Variants in VWA5B1 observed in about 807,000 individuals in gnomAD.
VWA5B1 encodes von Willebrand factor A domain containing 5B1, also known as von Willebrand factor A domain-containing protein 5B1.
In VWA5B1, 115 loss-of-function variants were observed where a neutral mutation model predicts 118.2. The observed-to-expected ratio is 0.97, with a 90% CI of 0.84 to 1.14. VWA5B1 has a LOEUF of 1.14. VWA5B1 is among the 50% of genes most tolerant of loss of function. The pLI, the probability that VWA5B1 is intolerant of heterozygous loss-of-function variation, is 0.00. For missense variants in VWA5B1, 1,596 were observed against 1,603.8 expected, an observed-to-expected ratio of 1.00 and a Z score of 0.08; for synonymous variants, 682 against 658.4, an observed-to-expected ratio of 1.04 and a Z score of -0.55.
intron 1 of VWA5B1, among the ~76,000 whole-genome samples, chr1:20,297,765 G>A (rs1274752862): frequency 1.3e-5 from 2 of 152,206 alleles, no homozygotes; most frequent in Admixed American, 6.5e-5. Context: ...CAGCAAAGCA[G>A]CAGGTCCCCT....
intron 15 of VWA5B1, among the ~76,000 whole-genome samples, 193 bp downstream of exon 15, chr1:20,342,802 G>C (rs1439523447): frequency 2.6e-5 from 4 of 152,200 alleles, no homozygotes; most frequent in Non-Finnish European, 5.9e-5. Flanking sequence ...TGGCCTCTGA[G>C]GCTGCAGCTC....
intron 14 of VWA5B1, among the ~76,000 whole-genome samples, chr1:20,340,978 C>T (rs1355328676): frequency 6.6e-6 from 1 of 152,090 alleles, no homozygotes; most frequent in Non-Finnish European, 1.5e-5. Flanking sequence ...AGTGAATTTA[C>T]CCTTTTTGGT....
At chr1:20,337,152 G>C (rs906041617) in intron 13 of VWA5B1, among the ~76,000 whole-genome samples, 7 of 151,998 alleles carry the variant, frequency 4.6e-5, no homozygotes, top group Non-Finnish European at 8.8e-5. Context: ...TTTTGAGGCA[G>C]AGTCTCACTC....
Position 20,354,521 on chromosome 1 carries a change from G to A in VWA5B1, c.*258G>A. On this transcript the variant is annotated 3_prime_UTR_variant, in exon 22 of 22. Transcript: ENST00000289815. Reference sequence around the variant, plus strand: ...AAAATAAGAGGGCGAGATGAAGGAGGTGGAGTGGATCTCAAATGGTTCAGT... The same window carrying A: ...AAAATAAGAGGGCGAGATGAAGGAGATGGAGTGGATCTCAAATGGTTCAGT... The A allele has an allele frequency of 1.9e-6, 1 of 514,130 alleles. No homozygotes were observed. The highest frequency in any genetic ancestry group is 3.5e-6 in the Non-Finnish European group (1 of 288,572). The allele number at this position is 514,130 out of a possible 1,614,324, so 31.8% of individuals were successfully genotyped here.
At chr1:20,323,875 G>A (rs143811363) in intron 8 of VWA5B1, among the ~76,000 whole-genome samples, 42 of 152,306 alleles carry the variant, frequency 2.8e-4, no homozygotes, top group African/African-American at 8.7e-4. Flanking sequence ...TGTTGGATAC[G>A]GTGCTAGCCA....
intron 2 of VWA5B1, among the ~76,000 whole-genome samples, chr1:20,311,406 G>T (rs1215311495): frequency 6.6e-6 from 1 of 152,208 alleles, no homozygotes; most frequent in Non-Finnish European, 1.5e-5. Context: ...CATGGTTCTT[G>T]CTCCTATGAC....
Position 20,336,450 on chromosome 1 carries a change from G to C in VWA5B1, c.1906G>C (p.Ala636Pro), listed in dbSNP as rs188304165. ...CTTCATCCTAGGGCAGGCCAAAAATGCCCGGCTAGCCAGCGGAGACTCTAC... is the reference window on the plus strand; with the variant it reads ...CTTCATCCTAGGGCAGGCCAAAAATCCCCGGCTAGCCAGCGGAGACTCTAC... ...APFILGQAKN[A>P]RLASGDSTTK... Residue 636 changes from alanine to proline, a missense_variant, in exon 13 of 22, where the codon GCC (alanine) becomes CCC (proline). By Grantham distance (27) the Ala-to-Pro change is conservative. Transcript: ENST00000289815. The C allele has an allele frequency of 1.4e-6, 2 of 1,478,248 alleles. No homozygotes were observed. Among genetic ancestry groups the C allele is most frequent in the African/African-American group, 2.8e-5 (2 of 71,022 alleles). The allele number at this position is 1,478,248 out of a possible 1,614,324, so 91.6% of individuals were successfully genotyped here.
At chr1:20,313,586 G>A (rs187451627) in intron 3 of VWA5B1, among the ~76,000 whole-genome samples, 21 of 152,340 alleles carry the variant, frequency 1.4e-4, no homozygotes, top group South Asian at 1.0e-3. Flanking sequence ...TAGGCAGCAC[G>A]TCACACAGCA....
At chr1:20,325,648 T>C (rs2089356600) in intron 8 of VWA5B1, among the ~76,000 whole-genome samples, 2 of 152,254 alleles carry the variant, frequency 1.3e-5, no homozygotes, top group African/African-American at 4.8e-5. Flanking sequence ...TAACTTTCTC[T>C]GGCTCTCCTT....
At chr1:20,350,111 G>A (rs1242207805) in intron 18 of VWA5B1, 45 bp from the exon 19 acceptor site, 4 of 1,534,084 alleles carry the variant, frequency 2.6e-6, no homozygotes, top group Non-Finnish European at 3.5e-6. Context: ...TGGGAGGCGA[G>A]GAAGGGAGGG....
chr1:20,292,652 T>C (rs2088334230), intron 1 of VWA5B1, among the ~76,000 whole-genome samples: 1 of 152,206 alleles, frequency 6.6e-6, no homozygotes. Flanking sequence ...TGTGTGTGTG[T>C]GCACACGTGT....
rs767123059 is a variant in VWA5B1, at chr1:20,348,200, GCACATTTGTACCCAAC to G, written c.2765-41_2765-26del. On this transcript the variant is annotated intron_variant, in intron 17 of 21. Coordinates refer to ENST00000289815, the MANE Select transcript of VWA5B1 (RefSeq NM_001039500.3). The stretch of plus-strand genomic sequence containing the variant: ...GCTCTGGGGGAAAGGCAAAGGACTG[GCACATTTGTACCCAAC>G]CACCCGCTTCCCCTTGTCTTCCGCG... 8 of 1,513,174 alleles carry G rather than the reference GCACATTTGTACCCAAC, an allele frequency of 5.3e-6. No homozygotes were observed. The South Asian group carries it at 9.6e-5, about 18-fold the overall frequency. 93.7% of individuals were successfully genotyped at this position (1,513,174 alleles called of 1,614,324 possible).
intron 8 of VWA5B1, among the ~76,000 whole-genome samples, chr1:20,324,123 A>T (rs1369333418): frequency 6.6e-6 from 1 of 152,122 alleles, no homozygotes; most frequent in Non-Finnish European, 1.5e-5. Flanking sequence ...GGTAGAAAAG[A>T]CTTGGTTTCT....
rs1190780626 is a variant in VWA5B1 at position 20,357,070 on chromosome 1, G to C, written c.*2807G>C. Among the ~76,000 whole-genome samples, 1 of 152,152 alleles carries C rather than the reference G, an allele frequency of 6.6e-6. No homozygotes were observed. Among genetic ancestry groups the C allele is most frequent in the Non-Finnish European group, 1.5e-5 (1 of 68,030 alleles). ...TTGCTAAACCAGCCCTTGCTTTCTA[G>C]GTCATACAAAGGAATATTTATGCCC... On this transcript the variant is annotated 3_prime_UTR_variant, in exon 22 of 22. Transcript: ENST00000289815.
At chr1:20,329,287 C>CTTTTT (rs10578067) in intron 9 of VWA5B1, among the ~76,000 whole-genome samples, 8 of 89,216 alleles carry the variant, frequency 9.0e-5, no homozygotes, top group East Asian at 3.6e-4. Flanking sequence ...TTTCTTTTCC[C>CTTTTT]TTTTTTTTTT....
intron 14 of VWA5B1, 66 bp from the exon 15 acceptor site, chr1:20,342,366 C>T: frequency 1.3e-6 from 2 of 1,506,008 alleles, no homozygotes; most frequent in South Asian, 1.2e-5. Context: ...GCTCTTCCTC[C>T]TCCTTCTCCT....
At position 20,351,965 on chromosome 1, in the gene VWA5B1, A is replaced by G. The variant is rs895020744; in HGVS notation, c.3024-90A>G. The G allele has an allele frequency of 4.2e-5, 40 of 957,212 alleles. No individual in the cohort carries two copies. The African/African-American group carries it at 6.5e-4, about 16-fold the overall frequency. The allele number at this position is 957,212 out of a possible 1,614,324, so 59.3% of individuals were successfully genotyped here. A position where few individuals can be genotyped will look rare whatever the true frequency, so the allele number is the denominator to read the frequency against. ...ATAAGGAGGCTGGAGGGAGCCATCT[A>G]TTGCATTCCTTCTGACCCTGACTTT... is the stretch of plus-strand genomic sequence containing the variant. On this transcript the variant is annotated intron_variant, in intron 20 of 21. Transcript: ENST00000289815.
chr1:20,349,766 G>T (rs1288566792), intron 18 of VWA5B1, among the ~76,000 whole-genome samples: 2 of 134,020 alleles, frequency 1.5e-5, no homozygotes, highest in Non-Finnish European at 3.1e-5. Flanking sequence ...GACAGGGCCC[G>T]TAGTCCAGGG....
At chr1:20,336,624 T>C in intron 13 of VWA5B1, 138 bp downstream of exon 13, 2 of 1,031,868 alleles carry the variant, frequency 1.9e-6, no homozygotes, top group African/African-American at 3.3e-5. Flanking sequence ...GATGAGGAAA[T>C]TGAGACTTGG....
Sources: allele counts gnomAD v4.1 joint callset (sites outside exome capture counted in the v4.1 genomes callset), GRCh38; gene constraint gnomAD v4.1.1; transcripts MANE v1.5; gene names NCBI Gene and HGNC (gene_info 2026-07-23, HGNC 2026-07-21).